NPC1: variants seen among roughly 807,000 people sequenced by gnomAD.
NPC1 encodes the protein Niemann-Pick C1 protein.
NPC1 carries 85 observed loss-of-function variants against 140.4 expected under a neutral mutation model. That is an observed-to-expected ratio of 0.61 (90% CI 0.51 to 0.72). The LOEUF is 0.72. Among genes scored for constraint, NPC1 ranks in the 30% least tolerant of loss-of-function variants. The pLI, the probability that NPC1 is intolerant of heterozygous loss-of-function variation, is 0.00. For missense variants in NPC1, 1,504 were observed against 1,623.8 expected, an observed-to-expected ratio of 0.93 and a Z score of 1.27; for synonymous variants, 656 against 624.8, an observed-to-expected ratio of 1.05 and a Z score of -0.74.
intron 1 of NPC1, among the ~76,000 whole-genome samples, chr18:23,583,896 A>C (rs913334912): frequency 6.6e-6 from 1 of 152,222 alleles, no homozygotes. Flanking sequence ...AAGATTTCCC[A>C]CAGTCATTCC....
At chr18:23,571,702 G>C (rs192955882) in intron 3 of NPC1, among the ~76,000 whole-genome samples, 55 of 151,392 alleles carry the variant, frequency 3.6e-4, no homozygotes, top group Non-Finnish European at 6.0e-4. Context: ...AGCTAGACAT[G>C]GTAGTGCATG....
chr18:23,524,357 G>A (rs150540565), downstream of NPC1: 456 of 1,551,402 alleles, frequency 2.9e-4, 3 homozygotes, highest in East Asian at 6.0e-3. Flanking sequence ...GGGCAGGGGC[G>A]AGTGCTAGCG....
At chr18:23,513,295 C>T (rs987820433) in intron 3 of NPC1, among the ~76,000 whole-genome samples, 1 of 152,206 alleles carries the variant, frequency 6.6e-6, no homozygotes, top group African/African-American at 2.4e-5. Context: ...TGAAATTATA[C>T]AGTATTTGTC....
downstream of NPC1, chr18:23,520,233 G>A (rs777706980): frequency 3.1e-6 from 5 of 1,613,982 alleles, no homozygotes; most frequent in Admixed American, 8.3e-5. Flanking sequence ...AAGTTACGGG[G>A]AGAGTTTGAC....
At chr18:23,547,344 T>A (rs975998453) in intron 11 of NPC1, among the ~76,000 whole-genome samples, 3 of 152,194 alleles carry the variant, frequency 2.0e-5, no homozygotes, top group African/African-American at 7.2e-5. Context: ...CAAATATACA[T>A]CATGGACCAT....
downstream of NPC1, chr18:23,524,296 C>T: frequency 1.3e-6 from 2 of 1,481,566 alleles, no homozygotes; most frequent in African/African-American, 1.4e-5. Context: ...CCGCAGGCAG[C>T]TTCCCTGACT....
At chr18:23,543,113 A>C (rs976454658) in intron 14 of NPC1, among the ~76,000 whole-genome samples, 2 of 152,170 alleles carry the variant, frequency 1.3e-5, no homozygotes, top group African/African-American at 4.8e-5. Context: ...ACATCACCTG[A>C]GGTCAGGAGT....
intron 23 of NPC1, chr18:23,533,944 A>G (rs2058583400): frequency 1.2e-4 from 38 of 326,750 alleles, no homozygotes; most frequent in South Asian, 1.1e-3. Context: ...TGTATTCTGC[A>G]CAGACACTGC....
intron 1 of NPC1, 71 bp downstream of exon 1, chr18:23,586,215 GC>G: frequency 6.7e-7 from 1 of 1,491,246 alleles, no homozygotes; most frequent in East Asian, 2.5e-5. Flanking sequence ...CCGTCGCTGG[GC>G]CCGTCGCCTT....
chr18:23,580,082 C>A (rs1398484819), intron 1 of NPC1, among the ~76,000 whole-genome samples: 1 of 152,042 alleles, frequency 6.6e-6, no homozygotes, highest in African/African-American at 2.4e-5. Context: ...CTATTGTTCT[C>A]GAGGCATGGC....
chr18:23,538,453 T>C, intron 20 of NPC1, 89 bp downstream of exon 20: 1 of 1,510,838 alleles, frequency 6.6e-7, no homozygotes, highest in Non-Finnish European at 9.2e-7. Flanking sequence ...GACGTTCCCA[T>C]GCAACTGTCT....
intron 4 of NPC1, among the ~76,000 whole-genome samples, 159 bp from the exon 5 acceptor site, chr18:23,561,686 C>T (rs1197843547): frequency 3.9e-5 from 6 of 152,174 alleles, no homozygotes; most frequent in Non-Finnish European, 4.4e-5. Flanking sequence ...AACAGAGATT[C>T]CCTTTAAATT....
At chr18:23,529,145 C>A (rs768559022), downstream of NPC1, 4 of 1,599,114 alleles carry the variant, frequency 2.5e-6, no homozygotes, top group African/African-American at 5.4e-5. Flanking sequence ...CTCTAAGATG[C>A]CGAAGATCAT....
chr18:23,586,116 G>A (rs1429116111), intron 1 of NPC1, among the ~76,000 whole-genome samples, 171 bp downstream of exon 1: 1 of 152,244 alleles, frequency 6.6e-6, no homozygotes, highest in Admixed American at 6.5e-5. Flanking sequence ...CCACAGGAAA[G>A]AGAGCGTGGC....
intron 3 of NPC1, among the ~76,000 whole-genome samples, chr18:23,511,542 C>T (rs762278322): frequency 8.6e-5 from 13 of 151,950 alleles, no homozygotes; most frequent in Admixed American, 1.3e-4. Flanking sequence ...CCTATAATCC[C>T]GATAAATAAT....
intron 4 of NPC1, among the ~76,000 whole-genome samples, chr18:23,563,887 C>T (rs1240669436): frequency 1.3e-5 from 2 of 151,094 alleles, no homozygotes; most frequent in Non-Finnish European, 2.9e-5. Flanking sequence ...CTCTCATGTG[C>T]TTGTTGGTCA....
At chr18:23,574,565 T>C (rs1020106357) in intron 1 of NPC1, among the ~76,000 whole-genome samples, 103 of 152,268 alleles carry the variant, frequency 6.8e-4, no homozygotes, top group African/African-American at 2.1e-3. Context: ...AGTATCAAAA[T>C]ACAAATCCCA....
rs1336448171 is a variant in NPC1 at position 23,531,488 on chromosome 18, A to G, written c.*714T>C. The G allele has an allele frequency of 2.7e-6, 4 of 1,455,412 alleles. No individual in the cohort carries two copies. Among genetic ancestry groups the G allele is most frequent in the Non-Finnish European group, 3.6e-6 (4 of 1,109,530 alleles). The allele number at this position is 1,455,412 out of a possible 1,614,324, so 90.2% of individuals were successfully genotyped here. A position where few individuals can be genotyped will look rare whatever the true frequency, so the allele number is the denominator to read the frequency against. ...ATTTGTCTCTCAAAGCAGATAGGGT[A>G]ACCCCAAAACTTAGGAAAACAATGT... On this transcript the variant is annotated 3_prime_UTR_variant, in exon 25 of 25. Coordinates refer to ENST00000269228, the MANE Select transcript of NPC1 (RefSeq NM_000271.5).
intron 13 of NPC1, 107 bp from the exon 14 acceptor site, chr18:23,543,676 C>A: frequency 1.4e-6 from 1 of 707,968 alleles, no homozygotes; most frequent in East Asian, 2.7e-5. Context: ...GATTAGTAGA[C>A]GATTAGCAGT....
Sources: gnomAD v4.1 joint callset for allele counts (sites outside exome capture counted in the v4.1 genomes callset) on GRCh38, gnomAD v4.1.1 for gene constraint, MANE v1.5 for transcripts, NCBI Gene and HGNC (gene_info 2026-07-23, HGNC 2026-07-21) for gene names.